The following FYN variants were observed in gnomAD, a reference collection of about 807,000 sequenced individuals.
The protein encoded by FYN is tyrosine-protein kinase Fyn.
A neutral mutation model predicts 70.2 loss-of-function variants in FYN; 10 were observed. That is an observed-to-expected ratio of 0.14 (90% CI 0.09 to 0.24). The LOEUF is 0.24. FYN is among the 10% of genes least tolerant of loss of function. The pLI is 1.00. For synonymous variants in FYN, 236 were observed against 248.6 expected, an observed-to-expected ratio of 0.95 and a Z score of 0.48; for missense variants, 319 against 673.1, an observed-to-expected ratio of 0.47 and a Z score of 5.82.
chr6:111,778,577 GT>G (rs529945726), intron 3 of FYN, among the ~76,000 whole-genome samples: 12 of 143,334 alleles, frequency 8.4e-5, no homozygotes, highest in South Asian at 2.3e-4. Context: ...TTTTGTTTTT[GT>G]TTTTTTTTTA....
intron 2 of FYN, among the ~76,000 whole-genome samples, chr6:111,788,522 G>A (rs1279454595): frequency 6.6e-6 from 1 of 152,166 alleles, no homozygotes; most frequent in East Asian, 1.9e-4. Context: ...AAGAATGGGG[G>A]TGAGGGGAGA....
intron 2 of FYN, among the ~76,000 whole-genome samples, chr6:111,791,679 C>T (rs978580857): frequency 6.6e-6 from 1 of 152,166 alleles, no homozygotes; most frequent in Non-Finnish European, 1.5e-5. Context: ...AGGACTCTTC[C>T]CTAGAGCCTT....
rs72942109 is a variant in FYN, at chr6:111,744,370, G to C, written c.-11-24308C>G. 4.8e-3 allele frequency among the ~76,000 whole-genome samples: 729 copies of C among 152,324 alleles called. 3 individuals are homozygous for C. The highest frequency in any genetic ancestry group is 6.9e-3 in the Non-Finnish European group (471 of 68,034). ...CATAACATATATTTCTGCAGTGGAT[G>C]GCTGCTCTTGATTCTCACAGATTTC... On this transcript the variant is annotated intron_variant, in intron 3 of 13. Coordinates refer to ENST00000354650, the MANE Select transcript of FYN (RefSeq NM_002037.5).
chr6:111,767,007 G>A (rs1293129415), intron 3 of FYN, among the ~76,000 whole-genome samples: 1 of 152,098 alleles, frequency 6.6e-6, no homozygotes, highest in East Asian at 1.9e-4. Context: ...ATATATAGGG[G>A]ATATAGTTGT....
chr6:111,820,462 T>C (rs1308288589), intron 2 of FYN, among the ~76,000 whole-genome samples: 2 of 152,078 alleles, frequency 1.3e-5, no homozygotes, highest in Non-Finnish European at 2.9e-5. Context: ...GCAAAATTAA[T>C]ATATTACTAT....
intron 2 of FYN, among the ~76,000 whole-genome samples, chr6:111,840,008 G>A (rs779239017): frequency 6.6e-6 from 1 of 152,168 alleles, no homozygotes; most frequent in Non-Finnish European, 1.5e-5. Flanking sequence ...CTCAATCTGA[G>A]AAAGAAGACA....
At chr6:111,805,785 T>C (rs1051572349) in intron 2 of FYN, among the ~76,000 whole-genome samples, 2 of 152,186 alleles carry the variant, frequency 1.3e-5, no homozygotes, top group Non-Finnish European at 2.9e-5. Flanking sequence ...CTGAAACCAC[T>C]GCTTTTTCTT....
chr6:111,703,751 C>G (rs1799946128), intron 7 of FYN, among the ~76,000 whole-genome samples: 1 of 152,120 alleles, frequency 6.6e-6, no homozygotes, highest in African/African-American at 2.4e-5. Context: ...ATCTTGTGTG[C>G]CTGGAGCAGT....
At chr6:111,666,603 C>A (rs1798021016) in intron 13 of FYN, among the ~76,000 whole-genome samples, 1 of 152,174 alleles carries the variant, frequency 6.6e-6, no homozygotes, top group African/African-American at 2.4e-5. Context: ...GAAGCTGAGG[C>A]AGGCAGACCG....
chr6:111,862,998 C>T (rs368650478), intron 1 of FYN, among the ~76,000 whole-genome samples: 1 of 152,166 alleles, frequency 6.6e-6, no homozygotes, highest in East Asian at 1.9e-4. Context: ...ATGAGGTGAG[C>T]CAGGATGACT....
At chr6:111,716,821 G>A (rs947878256) in intron 4 of FYN, among the ~76,000 whole-genome samples, 6 of 130,574 alleles carry the variant, frequency 4.6e-5, no homozygotes, top group African/African-American at 1.7e-4. Flanking sequence ...TTTCACTCTT[G>A]TCGCCCAGGC....
chr6:111,855,587 T>G (rs1773803288), intron 1 of FYN, among the ~76,000 whole-genome samples: 1 of 152,220 alleles, frequency 6.6e-6, no homozygotes, highest in Non-Finnish European at 1.5e-5. Context: ...CACTTCAACA[T>G]AGCAGTATAT....
chr6:111,771,892 C>T (rs1358458405), intron 3 of FYN, among the ~76,000 whole-genome samples: 1 of 151,990 alleles, frequency 6.6e-6, no homozygotes, highest in African/African-American at 2.4e-5. Flanking sequence ...CCTACTCAGT[C>T]AGGCAGGCAC....
intron 3 of FYN, among the ~76,000 whole-genome samples, chr6:111,753,242 A>C (rs1305365884): frequency 1.3e-5 from 2 of 152,210 alleles, no homozygotes; most frequent in Non-Finnish European, 2.9e-5. Flanking sequence ...TTCTATTTTG[A>C]CAGGGGTCAG....
At chr6:111,664,027 C>G (rs1797887799) in intron 13 of FYN, among the ~76,000 whole-genome samples, 1 of 152,218 alleles carries the variant, frequency 6.6e-6, no homozygotes, top group Non-Finnish European at 1.5e-5. Context: ...CTGACCTCAT[C>G]TGGCCACAAA....
intron 10 of FYN, among the ~76,000 whole-genome samples, 179 bp downstream of exon 10, chr6:111,696,098 G>A (rs77283165): frequency 9.3e-4 from 141 of 152,288 alleles, no homozygotes; most frequent in African/African-American, 3.3e-3. Context: ...TGGGGTAAAC[G>A]CAAGGTTAGT....
chr6:111,712,901 T>C (rs1031278759), intron 5 of FYN, among the ~76,000 whole-genome samples: 8 of 152,168 alleles, frequency 5.3e-5, no homozygotes, highest in South Asian at 4.2e-4. Flanking sequence ...AAATTTATCA[T>C]TTTAATCATT....
chr6:111,733,910 A>C (rs930398204), intron 3 of FYN, among the ~76,000 whole-genome samples: 8 of 152,142 alleles, frequency 5.3e-5, no homozygotes, highest in African/African-American at 1.7e-4. Flanking sequence ...CAACATGGAG[A>C]AACCCCATCT....
chr6:111,791,472 T>A (rs536044773), intron 2 of FYN, among the ~76,000 whole-genome samples: 1 of 152,230 alleles, frequency 6.6e-6, no homozygotes, highest in Non-Finnish European at 1.5e-5. Context: ...CAGATATGAT[T>A]AGTTAAGATG....
Sources: gnomAD v4.1 joint callset for allele counts (sites outside exome capture counted in the v4.1 genomes callset) on GRCh38, gnomAD v4.1.1 for gene constraint, MANE v1.5 for transcripts, NCBI Gene and HGNC (gene_info 2026-07-23, HGNC 2026-07-21) for gene names.